IPO11: variants seen among roughly 807,000 people sequenced by gnomAD.
The protein encoded by IPO11 is importin-11.
Under a neutral mutation model 143.2 loss-of-function variants are expected in IPO11, and 66 were observed. That is an observed-to-expected ratio of 0.46 (90% confidence interval 0.38 to 0.57). The LOEUF (loss-of-function observed/expected upper bound fraction) is 0.57, where lower values mean the gene tolerates loss of function less well. Ranked by LOEUF, IPO11 falls within the 20% of genes least tolerant of loss-of-function variation. IPO11 has a pLI of 0.00. For synonymous variants in IPO11, 385 were observed against 377.8 expected, an observed-to-expected ratio of 1.02 and a Z score of -0.22; for missense variants, 1,026 against 1,141.0, an observed-to-expected ratio of 0.90 and a Z score of 1.45.
intron 28 of IPO11, among the ~76,000 whole-genome samples, chr5:62,598,401 T>TTCCTTCCTTCCTTCCTTCCTTCC (rs1745315713): frequency 1.0e-4 from 1 of 9,820 alleles, no homozygotes; most frequent in Admixed American, 1.2e-3. Flanking sequence ...GCTTTCTTTC[T>TTCCTTCCTTCCTTCCTTCCTTCC]TTCTTTCTTT....
At position 62,581,645 on chromosome 5, in the gene IPO11, T is replaced by C. The variant is rs546325141; in HGVS notation, c.2583-9932T>C. Among the ~76,000 whole-genome samples, 72 of 152,272 alleles carry C rather than the reference T, an allele frequency of 4.7e-4. No individual in the cohort carries two copies. In the South Asian group the frequency reaches 0.015, roughly 31 times the overall value. On this transcript the variant is annotated intron_variant, in intron 27 of 29. Transcript: ENST00000325324. ...TAAAGTTTAAGTAACTATGCCAAATTCTCACAGCTTGTAACACTTTTTGGG... is the reference window on the plus strand; with the variant it reads ...TAAAGTTTAAGTAACTATGCCAAATCCTCACAGCTTGTAACACTTTTTGGG...
intron 22 of IPO11, among the ~76,000 whole-genome samples, chr5:62,534,923 T>G (rs753722371): frequency 7.9e-5 from 12 of 152,064 alleles, no homozygotes; most frequent in Admixed American, 3.3e-4. Context: ...AAATTTTTCT[T>G]TAGAGTCTCA....
intron 9 of IPO11, among the ~76,000 whole-genome samples, chr5:62,479,891 C>G (rs1370926590): frequency 1.3e-5 from 2 of 152,072 alleles, no homozygotes; most frequent in African/African-American, 2.4e-5. Context: ...TGTAGGTTGC[C>G]TATTCACTCT....
At chr5:62,484,989 T>A (rs1449183203) in intron 11 of IPO11, among the ~76,000 whole-genome samples, 1 of 152,050 alleles carries the variant, frequency 6.6e-6, no homozygotes, top group Non-Finnish European at 1.5e-5. Context: ...AGTCCCTAAA[T>A]TTTTAAGAGC....
chr5:62,440,349 C>CTT lies in IPO11; in HGVS notation c.139-2616_139-2615dup, dbSNP rs747340732. Among the ~76,000 whole-genome samples, 83 of 132,150 alleles carry CTT rather than the reference C, an allele frequency of 6.3e-4. 1 individual carries two copies. Among genetic ancestry groups the CTT allele is most frequent in the Middle Eastern group, 4.0e-3 (1 of 248 alleles). 86.7% of individuals were successfully genotyped at this position (132,150 alleles called of 152,430 possible). A position where few individuals can be genotyped will look rare whatever the true frequency, so the allele number is the denominator to read the frequency against. On this transcript the variant is annotated intron_variant, in intron 2 of 29. Coordinates refer to ENST00000325324, the MANE Select transcript of IPO11 (RefSeq NM_016338.5). ...AAATTGGCTGTATAGTGTACGTCCC[C>CTT]TTTTTTTTTTTTTTTTTTTATCTGA... is the stretch of plus-strand genomic sequence containing the variant.
At chr5:62,539,857 G>A (rs1229506881) in intron 24 of IPO11, among the ~76,000 whole-genome samples, 5 of 152,182 alleles carry the variant, frequency 3.3e-5, no homozygotes, top group Admixed American at 1.3e-4. Context: ...TTGCTTTGGT[G>A]ATAAATTCTT....
intron 29 of IPO11, among the ~76,000 whole-genome samples, chr5:62,625,854 G>T (rs1214045704): frequency 6.6e-6 from 1 of 152,118 alleles, no homozygotes. Context: ...ATACCAAATG[G>T]CCACAGAGGG....
chr5:62,563,457 T>C (rs1743838176), intron 27 of IPO11, among the ~76,000 whole-genome samples: 1 of 152,216 alleles, frequency 6.6e-6, no homozygotes, highest in Non-Finnish European at 1.5e-5. Context: ...AGAATACTGT[T>C]TGCTTCAACA....
intron 16 of IPO11, among the ~76,000 whole-genome samples, chr5:62,502,711 GC>G (rs1741388932): frequency 6.6e-6 from 1 of 152,160 alleles, no homozygotes; most frequent in South Asian, 2.1e-4. Flanking sequence ...GGGGTTGAGT[GC>G]ATCTCTAGAA....
intron 1 of IPO11, among the ~76,000 whole-genome samples, chr5:62,425,739 C>A (rs921376217): frequency 6.6e-6 from 1 of 152,172 alleles, no homozygotes; most frequent in Non-Finnish European, 1.5e-5. Flanking sequence ...AGTAAAGATA[C>A]GATTGCTAAC....
At chr5:62,591,724 C>A in intron 28 of IPO11, 52 bp downstream of exon 28, 1 of 1,172,274 alleles carries the variant, frequency 8.5e-7, no homozygotes, top group Non-Finnish European at 1.2e-6. Flanking sequence ...TAATTAAATA[C>A]ATGCTGCATG....
chr5:62,434,500 C>G (rs1404703075), intron 1 of IPO11, among the ~76,000 whole-genome samples: 2 of 151,952 alleles, frequency 1.3e-5, no homozygotes, highest in Non-Finnish European at 2.9e-5. Context: ...GGATTTTGCT[C>G]TGTTGCCCAG....
chr5:62,513,185 C>T (rs1406148273), intron 19 of IPO11, among the ~76,000 whole-genome samples: 4 of 151,874 alleles, frequency 2.6e-5, no homozygotes, highest in African/African-American at 9.7e-5. Flanking sequence ...CCCTCAGCTC[C>T]CGGACCGGGT....
chr5:62,621,145 G>A (rs1746350502), intron 29 of IPO11, among the ~76,000 whole-genome samples: 1 of 152,122 alleles, frequency 6.6e-6, no homozygotes, highest in Non-Finnish European at 1.5e-5. Flanking sequence ...GGTCTGTTAC[G>A]CAGAGTTTCT....
At chr5:62,528,676 T>C (rs1742446105) in intron 21 of IPO11, among the ~76,000 whole-genome samples, 1 of 152,162 alleles carries the variant, frequency 6.6e-6, no homozygotes, top group Non-Finnish European at 1.5e-5. Context: ...TAGGGAGGTG[T>C]TCCATCCAAT....
intron 27 of IPO11, among the ~76,000 whole-genome samples, chr5:62,561,466 AG>A (rs1344716449): frequency 1.3e-5 from 2 of 151,528 alleles, no homozygotes; most frequent in Non-Finnish European, 2.9e-5. Flanking sequence ...TGGGGGCTGT[AG>A]TTTATTTTGG....
intron 1 of IPO11, among the ~76,000 whole-genome samples, chr5:62,434,064 C>G (rs1580171722): frequency 6.6e-6 from 1 of 152,142 alleles, no homozygotes. Context: ...CTGCCCTTTT[C>G]TCCAACTTCA....
At position 62,435,124 on chromosome 5, in the gene IPO11, A is replaced by ATG. The variant is rs1580173318; in HGVS notation, c.-6-2148_-6-2147dup. Among the ~76,000 whole-genome samples the ATG allele has an allele frequency of 3.9e-5, 4 of 102,502 alleles. No individual in the cohort carries two copies. In the East Asian group the frequency reaches 8.2e-4, roughly 21 times the overall value. The allele number at this position is 102,502 out of a possible 152,430, so 67.2% of individuals were successfully genotyped here. On this transcript the variant is annotated intron_variant, in intron 1 of 29. Coordinates refer to ENST00000325324, the MANE Select transcript of IPO11 (RefSeq NM_016338.5). ...TGTATATATATGTATATATGTATATATGTATATATATGTATATATGTATAT... is the reference window on the plus strand; with the variant it reads ...TGTATATATATGTATATATGTATATATGTGTATATATATGTATATATGTATAT...
At chr5:62,541,116 A>G (rs946355248) in intron 24 of IPO11, among the ~76,000 whole-genome samples, 2 of 152,176 alleles carry the variant, frequency 1.3e-5, no homozygotes, top group Non-Finnish European at 2.9e-5. Context: ...TCAGGCCTGT[A>G]ATCCCAGCAC....
Sources: gnomAD v4.1 joint callset for allele counts (sites outside exome capture counted in the v4.1 genomes callset) on GRCh38, gnomAD v4.1.1 for gene constraint, MANE v1.5 for transcripts, NCBI Gene and HGNC (gene_info 2026-07-23, HGNC 2026-07-21) for gene names.